Variants in ANKRD26 observed in about 807,000 individuals in gnomAD.
ANKRD26 encodes ankyrin repeat domain-containing protein 26.
ANKRD26 carries 141 observed loss-of-function variants against 208.7 expected under a neutral mutation model. That is an observed-to-expected ratio of 0.68 (90% CI 0.59 to 0.78). ANKRD26 has a LOEUF of 0.78. Ranked by LOEUF, ANKRD26 falls within the 30% of genes least tolerant of loss-of-function variation. The probability of loss-of-function intolerance (pLI) is 0.00; values close to 1 mark genes in which losing one functional copy is unlikely to be tolerated. For missense variants in ANKRD26, 1,889 were observed against 1,938.7 expected, an observed-to-expected ratio of 0.97 and a Z score of 0.48; for synonymous variants, 636 against 660.4, an observed-to-expected ratio of 0.96 and a Z score of 0.57.
chr10:27,033,166 A>G, intron 25 of ANKRD26, 59 bp downstream of exon 25: 1 of 1,391,948 alleles, frequency 7.2e-7, no homozygotes, highest in Non-Finnish European at 9.9e-7. Flanking sequence ...GTATGATAAA[A>G]CACTATATAT....
intron 9 of ANKRD26, among the ~76,000 whole-genome samples, chr10:27,069,194 CAAAAAAAAAAAAAAA>C (rs58833937): frequency 1.1e-5 from 1 of 88,124 alleles, no homozygotes; most frequent in Non-Finnish European, 2.1e-5. Context: ...GACGTCGTCT[CAAAAAAAAAAAAAAA>C]AAAAAAAAAA....
chr10:26,991,299 G>A (rs114118328), downstream of ANKRD26, among the ~76,000 whole-genome samples: 268 of 152,192 alleles, frequency 1.8e-3, 2 homozygotes, highest in African/African-American at 6.1e-3. Flanking sequence ...AAATGACCAC[G>A]GCAACTCTCG....
intron 5 of ANKRD26, 124 bp from the exon 6 acceptor site, chr10:27,082,957 G>C: frequency 2.3e-6 from 3 of 1,299,272 alleles, no homozygotes; most frequent in African/African-American, 1.5e-5. Flanking sequence ...GACTATAATA[G>C]AATTAATATC....
At chr10:26,953,386 C>T in the ANKRD26 span, among the ~76,000 whole-genome samples, 2 of 152,144 alleles carry the variant, frequency 1.3e-5, no homozygotes, top group African/African-American at 2.4e-5. Context: ...GAGTTGCGAT[C>T]GTGCCACTGC....
intron 3 of ANKRD26, 93 bp downstream of exon 3, chr10:27,093,256 C>T (rs1016837807): frequency 2.0e-5 from 24 of 1,172,418 alleles, no homozygotes; most frequent in Admixed American, 6.0e-5. Flanking sequence ...GGAATGCTTG[C>T]GCTTCCAAAT....
the ANKRD26 span, among the ~76,000 whole-genome samples, chr10:26,967,290 A>C: frequency 6.6e-6 from 1 of 152,248 alleles, no homozygotes; most frequent in Non-Finnish European, 1.5e-5. Context: ...GAACCCATGT[A>C]AATTGAAGCC....
the ANKRD26 span, among the ~76,000 whole-genome samples, chr10:26,958,144 A>G: frequency 6.6e-6 from 1 of 151,642 alleles, no homozygotes; most frequent in African/African-American, 2.4e-5. Flanking sequence ...GTCCAGTGGC[A>G]CCATCTCAGC....
chr10:26,956,664 T>C, the ANKRD26 span, among the ~76,000 whole-genome samples: 1 of 150,772 alleles, frequency 6.6e-6, no homozygotes, highest in Non-Finnish European at 1.5e-5. Flanking sequence ...AAGACTTAGG[T>C]TTGTAAATTT....
chr10:27,074,498 T>C (rs1185227680), intron 9 of ANKRD26, among the ~76,000 whole-genome samples: 1 of 152,122 alleles, frequency 6.6e-6, no homozygotes, highest in Non-Finnish European at 1.5e-5. Context: ...CTGGCCAACA[T>C]GGCGAAACCC....
At chr10:27,034,700 T>G (rs956197295) in intron 24 of ANKRD26, 96 bp downstream of exon 24, 1 of 768,802 alleles carries the variant, frequency 1.3e-6, no homozygotes, top group Non-Finnish European at 2.0e-6. Context: ...GTAAATAAGC[T>G]TATCTATTTA....
chr10:27,008,994 C>A (rs964614655), intron 32 of ANKRD26, among the ~76,000 whole-genome samples: 1 of 152,126 alleles, frequency 6.6e-6, no homozygotes, highest in Non-Finnish European at 1.5e-5. Flanking sequence ...CGCGCAACAC[C>A]ACGCCCAGCT....
At chr10:26,968,862 C>T (rs1182267396), downstream of ANKRD26, among the ~76,000 whole-genome samples, 1 of 152,148 alleles carries the variant, frequency 6.6e-6, no homozygotes. Context: ...AATTAAATTT[C>T]ACCAGTGCCT....
intron 21 of ANKRD26, 74 bp downstream of exon 21, chr10:27,039,891 G>T: frequency 7.1e-7 from 1 of 1,402,380 alleles, no homozygotes; most frequent in South Asian, 1.2e-5. Context: ...CAGAAGATAA[G>T]TCAGCAATTA....
At chr10:26,949,502 T>A in the ANKRD26 span, among the ~76,000 whole-genome samples, 31 of 151,940 alleles carry the variant, frequency 2.0e-4, no homozygotes, top group Middle Eastern at 3.4e-3. Flanking sequence ...TTAATTAATT[T>A]ATTTATTAAT....
chr10:27,082,792 T>A lies in ANKRD26; in HGVS notation c.740+11A>T. 1 of 1,578,362 alleles carries A rather than the reference T, an allele frequency of 6.3e-7. No homozygotes were observed. The highest frequency in any genetic ancestry group is 1.2e-5 in the South Asian group (1 of 86,534). ...CTTTAAATATATTTTTAAAAATCTG[T>A]AAAATACTACCTGCTTAAGGAGTCT... is the stretch of plus-strand genomic sequence containing the variant. On this transcript the variant is annotated intron_variant, in intron 6 of 33. Transcript: ENST00000376087.
chr10:27,094,051 G>A (rs1489161074), intron 1 of ANKRD26, among the ~76,000 whole-genome samples: 1 of 152,056 alleles, frequency 6.6e-6, no homozygotes, highest in East Asian at 1.9e-4. Context: ...TCTTGTGATA[G>A]TGAGTTCTCA....
rs767271669 is a variant in ANKRD26 at position 27,035,161 on chromosome 10, C to T, written c.3289G>A (p.Val1097Ile). The change falls in exon 24 of 34, where the codon GTA becomes ATA. Residue 1097 changes from valine to isoleucine, a missense_variant. Val to Ile is a conservative substitution (Grantham distance 29). Transcript: ENST00000376087. ...LREKTLGLER[V>I]QKDLSQTQCQ... The stretch of plus-strand genomic sequence containing the variant: ...TGTGTTTGGCTTAGGTCCTTTTGTA[C>T]CCGTTCTAAACCCAAAGTCTTTTCT... The T allele has an allele frequency of 2.5e-6, 4 of 1,613,890 alleles. No homozygotes were observed. The highest frequency in any genetic ancestry group is 3.4e-6 in the Non-Finnish European group (4 of 1,179,906).
intron 32 of ANKRD26, among the ~76,000 whole-genome samples, chr10:27,011,296 GC>G (rs2053097824): frequency 6.6e-6 from 1 of 152,054 alleles, no homozygotes; most frequent in East Asian, 1.9e-4. Context: ...TTGCTATGCT[GC>G]CCAGGCTGGA....
intron 3 of ANKRD26, among the ~76,000 whole-genome samples, chr10:26,984,001 A>G (rs1435290128): frequency 6.6e-6 from 1 of 152,166 alleles, no homozygotes; most frequent in Non-Finnish European, 1.5e-5. Context: ...TGTGTGTATA[A>G]TCCTGAGCCA....
Sources: gnomAD v4.1 joint callset for allele counts (sites outside exome capture counted in the v4.1 genomes callset) on GRCh38, gnomAD v4.1.1 for gene constraint, MANE v1.5 for transcripts, NCBI Gene and HGNC (gene_info 2026-07-23, HGNC 2026-07-21) for gene names.